Variants in TMEM135 observed in about 807,000 individuals in gnomAD.
The protein encoded by TMEM135 is peroxisomal membrane protein 52.
In TMEM135, 30 loss-of-function variants were observed where a neutral mutation model predicts 60.3. The observed-to-expected ratio is 0.50, with a 90% confidence interval of 0.37 to 0.68. The LOEUF is 0.68. Ranked by LOEUF, TMEM135 falls within the 30% of genes least tolerant of loss-of-function variation. TMEM135 has a pLI of 0.00. For missense variants in TMEM135, 468 were observed against 548.8 expected, an observed-to-expected ratio of 0.85 and a Z score of 1.47; for synonymous variants, 190 against 186.7, an observed-to-expected ratio of 1.02 and a Z score of -0.14.
chr11:87,321,208 G>T lies in TMEM135; in HGVS notation c.1252G>T (p.Val418Phe). ...GTATTCTTTGTTTTACAGATTTGCT[G>T]TCATGAACCGAAAAGTCCTTGATGT... is the stretch of plus-strand genomic sequence containing the variant. ...LLRLTKGKFA[V>F]MNRKVLDVFG... The change falls in exon 15 of 15, where the codon GTC becomes TTC. Residue 418 changes from valine to phenylalanine, a missense_variant. Coordinates refer to ENST00000305494, the MANE Select transcript of TMEM135 (RefSeq NM_022918.4). The T allele has an allele frequency of 6.2e-7, 1 of 1,612,822 alleles. No homozygotes were observed. Among genetic ancestry groups the T allele is most frequent in the Non-Finnish European group, 8.5e-7 (1 of 1,179,022 alleles).
intron 5 of TMEM135, among the ~76,000 whole-genome samples, chr11:87,200,899 A>G (rs1205645119): frequency 6.6e-6 from 1 of 152,106 alleles, no homozygotes; most frequent in African/African-American, 2.4e-5. Flanking sequence ...GGCTTCTTTC[A>G]CTTTAATATG....
At chr11:87,143,167 T>C (rs1938312757) in intron 4 of TMEM135, among the ~76,000 whole-genome samples, 1 of 152,118 alleles carries the variant, frequency 6.6e-6, no homozygotes, top group Non-Finnish European at 1.5e-5. Context: ...ATTTAGTTCT[T>C]TGTTATACTT....
chr11:87,296,370 C>T (rs900005706), intron 7 of TMEM135, among the ~76,000 whole-genome samples: 2 of 152,088 alleles, frequency 1.3e-5, no homozygotes, highest in Admixed American at 6.5e-5. Context: ...TAAATTTTTG[C>T]AACAGTTCTG....
At chr11:87,252,686 G>C (rs1026025654) in intron 6 of TMEM135, among the ~76,000 whole-genome samples, 1 of 151,504 alleles carries the variant, frequency 6.6e-6, no homozygotes, top group Non-Finnish European at 1.5e-5. Context: ...CAGGAGAATC[G>C]CCTGGACCTG....
At chr11:87,308,630 G>T (rs979661282) in intron 9 of TMEM135, among the ~76,000 whole-genome samples, 6 of 152,088 alleles carry the variant, frequency 3.9e-5, no homozygotes, top group Non-Finnish European at 7.4e-5. Context: ...TGGGACACCG[G>T]TTTTAACAAT....
At chr11:87,242,211 A>G (rs1341143444) in intron 6 of TMEM135, among the ~76,000 whole-genome samples, 1 of 151,562 alleles carries the variant, frequency 6.6e-6, no homozygotes, top group Non-Finnish European at 1.5e-5. Context: ...ATAGTATTCC[A>G]TGGTGTATAT....
intron 12 of TMEM135, 67 bp downstream of exon 12, chr11:87,314,614 G>A: frequency 7.7e-7 from 1 of 1,297,522 alleles, no homozygotes; most frequent in Non-Finnish European, 1.1e-6. Flanking sequence ...GACTGTTTTA[G>A]CAGCAAATGT....
At chr11:87,122,628 T>C (rs966299712) in intron 4 of TMEM135, among the ~76,000 whole-genome samples, 1 of 152,008 alleles carries the variant, frequency 6.6e-6, no homozygotes, top group African/African-American at 2.4e-5. Flanking sequence ...GCCTAGCTAA[T>C]GTCTGTATTT....
At chr11:87,208,638 T>C (rs997026035) in intron 5 of TMEM135, among the ~76,000 whole-genome samples, 12 of 152,178 alleles carry the variant, frequency 7.9e-5, no homozygotes, top group Admixed American at 6.5e-4. Flanking sequence ...TTGGAAAACA[T>C]ATTTCAGGAT....
At chr11:87,143,779 T>G (rs1938330522) in intron 4 of TMEM135, among the ~76,000 whole-genome samples, 1 of 152,182 alleles carries the variant, frequency 6.6e-6, no homozygotes, top group Admixed American at 6.5e-5. Flanking sequence ...ATTTCCTTCT[T>G]AAACTATAGT....
intron 6 of TMEM135, chr11:87,258,865 A>T (rs187795702): frequency 2.0e-5 from 17 of 830,154 alleles, no homozygotes; most frequent in Admixed American, 1.4e-4. Context: ...CTTTCCAGGA[A>T]GTGAAGGAAG....
At chr11:87,287,090 C>T (rs1224208616) in intron 6 of TMEM135, among the ~76,000 whole-genome samples, 1 of 152,024 alleles carries the variant, frequency 6.6e-6, no homozygotes, top group Non-Finnish European at 1.5e-5. Flanking sequence ...TTTAATTGTG[C>T]TTTAGCATGT....
At chr11:87,243,951 A>C (rs2135382119) in intron 6 of TMEM135, among the ~76,000 whole-genome samples, 1 of 79,838 alleles carries the variant, frequency 1.3e-5, no homozygotes, top group South Asian at 4.2e-4. Context: ...TAATGCTTCC[A>C]GCTTTTGCCC....
At chr11:87,320,394 A>G (rs1156693367) in intron 14 of TMEM135, among the ~76,000 whole-genome samples, 1 of 152,140 alleles carries the variant, frequency 6.6e-6, no homozygotes, top group Non-Finnish European at 1.5e-5. Flanking sequence ...TTTGTCATTT[A>G]GTTTTCTGCA....
chr11:87,195,500 C>T (rs975281717), intron 5 of TMEM135, among the ~76,000 whole-genome samples: 5 of 151,798 alleles, frequency 3.3e-5, no homozygotes, highest in African/African-American at 1.2e-4. Flanking sequence ...GATCTCAGCT[C>T]GCCGCAATCT....
At chr11:87,314,134 TAAAATC>T (rs1358547289) in intron 11 of TMEM135, among the ~76,000 whole-genome samples, 1 of 151,810 alleles carries the variant, frequency 6.6e-6, no homozygotes, top group Non-Finnish European at 1.5e-5. Flanking sequence ...TATTTCCACT[TAAAATC>T]GAAAAGGAAC....
intron 6 of TMEM135, among the ~76,000 whole-genome samples, chr11:87,239,395 G>T (rs1434393379): frequency 2.0e-5 from 3 of 151,976 alleles, no homozygotes; most frequent in African/African-American, 7.2e-5. Context: ...AACAATATTA[G>T]ATTTGTCTGT....
chr11:87,191,281 C>G (rs1376003880), intron 5 of TMEM135, among the ~76,000 whole-genome samples: 4 of 151,842 alleles, frequency 2.6e-5, no homozygotes, highest in Non-Finnish European at 5.9e-5. Context: ...CGCTCTTTCA[C>G]CCAGGCTGGA....
intron 4 of TMEM135, among the ~76,000 whole-genome samples, chr11:87,093,844 T>C (rs1591013577): frequency 6.6e-6 from 1 of 152,270 alleles, no homozygotes; most frequent in African/African-American, 2.4e-5. Context: ...TTTACTTGTT[T>C]TTAATGCTGA....
Sources: allele counts gnomAD v4.1 joint callset (sites outside exome capture counted in the v4.1 genomes callset), GRCh38; gene constraint gnomAD v4.1.1; transcripts MANE v1.5; gene names NCBI Gene and HGNC (gene_info 2026-07-23, HGNC 2026-07-21).